NAF1: variants seen among roughly 807,000 people sequenced by gnomAD.
NAF1 encodes the protein H/ACA ribonucleoprotein complex non-core subunit NAF1.
A neutral mutation model predicts 40.6 loss-of-function variants in NAF1; 11 were observed. The observed-to-expected ratio is 0.27, with a 90% confidence interval of 0.17 to 0.45. NAF1 has a LOEUF of 0.45. Ranked by LOEUF, NAF1 falls within the 20% of genes least tolerant of loss-of-function variation. The pLI is 1.00. For synonymous variants in NAF1, 260 were observed against 228.5 expected, an observed-to-expected ratio of 1.14 and a Z score of -1.24; for missense variants, 607 against 611.1, an observed-to-expected ratio of 0.99 and a Z score of 0.07.
downstream of NAF1, among the ~76,000 whole-genome samples, chr4:163,122,039 T>A (rs755052469): frequency 2.0e-5 from 3 of 152,194 alleles, no homozygotes; most frequent in Non-Finnish European, 4.4e-5. Flanking sequence ...ACTTTTAAGT[T>A]AATAAAATCA....
chr4:163,130,149 A>G (rs760901056), intron 7 of NAF1, among the ~76,000 whole-genome samples: 2 of 152,232 alleles, frequency 1.3e-5, no homozygotes, highest in Non-Finnish European at 2.9e-5. Flanking sequence ...GAAGATTTAC[A>G]TAAGATCCAT....
At chr4:163,153,909 C>G (rs1245896407) in intron 2 of NAF1, among the ~76,000 whole-genome samples, 1 of 152,098 alleles carries the variant, frequency 6.6e-6, no homozygotes, top group Non-Finnish European at 1.5e-5. Flanking sequence ...TTTTATGAGC[C>G]ATAACACTCA....
chr4:163,138,759 T>C (rs1332945359), intron 5 of NAF1, among the ~76,000 whole-genome samples: 1 of 152,164 alleles, frequency 6.6e-6, no homozygotes, highest in African/African-American at 2.4e-5. Context: ...GAGTCTATTA[T>C]CTAAAATCTA....
intron 4 of NAF1, among the ~76,000 whole-genome samples, chr4:163,142,809 T>C (rs1198604127): frequency 6.6e-6 from 1 of 152,162 alleles, no homozygotes; most frequent in African/African-American, 2.4e-5. Context: ...AGAGTTTAGA[T>C]TGACTAACAC....
intron 7 of NAF1, among the ~76,000 whole-genome samples, chr4:163,131,383 A>G (rs1288598168): frequency 6.6e-6 from 1 of 152,226 alleles, no homozygotes; most frequent in Non-Finnish European, 1.5e-5. Context: ...ACAGAGCAAG[A>G]ATATCTCAAA....
At position 163,140,398 on chromosome 4, in the gene NAF1, T is replaced by C; in HGVS notation, c.718-15A>G. On this transcript the variant is annotated splice_polypyrimidine_tract_variant and intron_variant, in intron 4 of 7. Transcript: ENST00000274054. Reference sequence around the variant, plus strand: ...ATCTCGAATATCTGTAATAGAAACATAAAGGCCTCTTTTAACATGTAAAAT... The same window carrying C: ...ATCTCGAATATCTGTAATAGAAACACAAAGGCCTCTTTTAACATGTAAAAT... 6.3e-7 allele frequency: 1 copy of C among 1,581,864 alleles called. No individual in the cohort carries two copies. The highest frequency in any genetic ancestry group is 8.6e-7 in the Non-Finnish European group (1 of 1,167,466).
rs898276196 is a variant in NAF1 at position 163,115,231 on chromosome 4, CAG to C, written c.115-4943_115-4942del. 9.3e-5 allele frequency among the ~76,000 whole-genome samples: 10 copies of C among 107,308 alleles called. No homozygotes were observed. The South Asian group carries it at 2.3e-3, about 25-fold the overall frequency. The allele number at this position is 107,308 out of a possible 152,430, so 70.4% of individuals were successfully genotyped here. On this transcript the variant is annotated intron_variant, in intron 2 of 2. Coordinates refer to the NAF1 transcript ENST00000509434. ...TATTTATTTTTTTTTTTTTTTGAGA[CAG>C]AGTCTCGCTCTGTCGCCCAGGCTGG...
intron 2 of NAF1, among the ~76,000 whole-genome samples, chr4:163,159,553 G>GCATC (rs2111043000): frequency 6.6e-6 from 1 of 152,202 alleles, no homozygotes; most frequent in East Asian, 1.9e-4. Flanking sequence ...CATATATGAT[G>GCATC]GGAGATCAAA....
chr4:163,119,166 T>A (rs1730441758), intron 2 of NAF1, among the ~76,000 whole-genome samples: 1 of 152,198 alleles, frequency 6.6e-6, no homozygotes, highest in Non-Finnish European at 1.5e-5. Flanking sequence ...TATCCTTTTC[T>A]GTTGTTGTTG....
At chr4:163,111,484 T>C (rs1730157747) in intron 2 of NAF1, among the ~76,000 whole-genome samples, 1 of 152,304 alleles carries the variant, frequency 6.6e-6, no homozygotes, top group South Asian at 2.1e-4. Flanking sequence ...GGAGTTGTCA[T>C]AAACTGAGGG....
chr4:163,113,603 T>TTA (rs1730232056), intron 2 of NAF1, among the ~76,000 whole-genome samples: 1 of 58,186 alleles, frequency 1.7e-5, no homozygotes, highest in Non-Finnish European at 3.7e-5. Context: ...CAGGAGATAT[T>TTA]TCTCTGTGTC....
chr4:163,158,675 T>G (rs1178464630), intron 2 of NAF1, among the ~76,000 whole-genome samples: 1 of 152,078 alleles, frequency 6.6e-6, no homozygotes. Flanking sequence ...AAAATTTAAT[T>G]TGCTTAAATA....
chr4:163,146,657 C>T (rs902582403), intron 3 of NAF1, among the ~76,000 whole-genome samples: 30 of 152,166 alleles, frequency 2.0e-4, no homozygotes, highest in African/African-American at 7.0e-4. Context: ...TTAATTTTAA[C>T]AGTGGATACT....
intron 2 of NAF1, among the ~76,000 whole-genome samples, chr4:163,114,882 A>C (rs1160082690): frequency 6.6e-6 from 1 of 152,122 alleles, no homozygotes; most frequent in Non-Finnish European, 1.5e-5. Context: ...TTATTTTTCC[A>C]TATGGTTTCT....
Position 163,128,737 on chromosome 4 carries a change from A to G in NAF1, c.*160T>C, listed in dbSNP as rs1730744948. 1 of 1,124,358 alleles carries G rather than the reference A, an allele frequency of 8.9e-7. No individual in the cohort carries two copies. Among genetic ancestry groups the G allele is most frequent in the African/African-American group, 1.6e-5 (1 of 61,892 alleles). 69.6% of individuals were successfully genotyped at this position (1,124,358 alleles called of 1,614,324 possible). Reference sequence around the variant, plus strand: ...GAGCTGACATTTTCATATGAATACAATTTCACAAAGGTTACAAATATATAT... The same window carrying G: ...GAGCTGACATTTTCATATGAATACAGTTTCACAAAGGTTACAAATATATAT... On this transcript the variant is annotated 3_prime_UTR_variant, in exon 8 of 8. Coordinates refer to ENST00000274054, the MANE Select transcript of NAF1 (RefSeq NM_138386.3).
At position 163,148,338 on chromosome 4, in the gene NAF1, T is replaced by C; in HGVS notation, c.634+3A>G. On this transcript the variant is annotated splice_donor_region_variant and intron_variant, in intron 3 of 7. Coordinates refer to ENST00000274054, the MANE Select transcript of NAF1 (RefSeq NM_138386.3). ...ATTTTTATTAATAGAATTCTTAACA[T>C]ACCTAGTTGTTCAATAATACTTGAA... 2.0e-6 allele frequency: 3 copies of C among 1,517,180 alleles called. No individual in the cohort carries two copies. The highest frequency in any genetic ancestry group is 1.7e-4 in the Middle Eastern group (1 of 5,742). The allele number at this position is 1,517,180 out of a possible 1,614,324, so 94.0% of individuals were successfully genotyped here.
chr4:163,114,011 C>T (rs570151263), intron 2 of NAF1, among the ~76,000 whole-genome samples: 3 of 152,200 alleles, frequency 2.0e-5, no homozygotes, highest in South Asian at 2.1e-4. Context: ...AAAGCCACTA[C>T]AAATATCATG....
chr4:163,106,319 T>C (rs1031817822), downstream of NAF1, among the ~76,000 whole-genome samples: 1 of 152,178 alleles, frequency 6.6e-6, no homozygotes, highest in African/African-American at 2.4e-5. Flanking sequence ...CACTGACCAA[T>C]ATGGTAATGC....
intron 2 of NAF1, among the ~76,000 whole-genome samples, chr4:163,159,664 A>T (rs776458560): frequency 6.6e-6 from 1 of 152,156 alleles, no homozygotes; most frequent in Admixed American, 6.5e-5. Flanking sequence ...ACACTGCCAC[A>T]ATCAGGAGAA....
Sources: gnomAD v4.1 joint callset for allele counts (sites outside exome capture counted in the v4.1 genomes callset) on GRCh38, gnomAD v4.1.1 for gene constraint, MANE v1.5 for transcripts, NCBI Gene and HGNC (gene_info 2026-07-23, HGNC 2026-07-21) for gene names.